PDE1A: variants seen among roughly 807,000 people sequenced by gnomAD.
PDE1A encodes the protein phosphodiesterase 1A, also known as dual specificity calcium/calmodulin-dependent 3',5'-cyclic nucleotide phosphodiesterase 1A.
PDE1A carries 35 observed loss-of-function variants against 61.7 expected under a neutral mutation model. The observed-to-expected ratio is 0.57, with a 90% CI of 0.43 to 0.75. The LOEUF (loss-of-function observed/expected upper bound fraction) is 0.75. PDE1A is among the 30% of genes least tolerant of loss of function. The probability of loss-of-function intolerance (pLI) is 0.00; values close to 1 mark genes in which losing one functional copy is unlikely to be tolerated. For missense variants in PDE1A, 597 were observed against 630.6 expected, an observed-to-expected ratio of 0.95 and a Z score of 0.57; for synonymous variants, 232 against 213.2, an observed-to-expected ratio of 1.09 and a Z score of -0.77.
the PDE1A span, among the ~76,000 whole-genome samples, chr2:182,532,535 G>A: frequency 6.6e-6 from 1 of 152,136 alleles, no homozygotes; most frequent in African/African-American, 2.4e-5. Flanking sequence ...TAGGAAAGGG[G>A]ATTAACTGTA....
chr2:182,235,121 T>TTTTTTG (rs955269006), intron 3 of PDE1A, among the ~76,000 whole-genome samples: 3 of 151,960 alleles, frequency 2.0e-5, no homozygotes, highest in Non-Finnish European at 2.9e-5. Flanking sequence ...ACAAAAGTGG[T>TTTTTTG]TTTTTGTTTT....
At chr2:182,386,817 C>G (rs556229813) in intron 1 of PDE1A, among the ~76,000 whole-genome samples, 2 of 150,706 alleles carry the variant, frequency 1.3e-5, no homozygotes, top group Admixed American at 1.3e-4. Flanking sequence ...CACCTCCACC[C>G]GGCCGCCGCC....
intron 1 of PDE1A, among the ~76,000 whole-genome samples, chr2:182,391,440 C>A (rs141926017): frequency 1.3e-4 from 20 of 152,254 alleles, no homozygotes; most frequent in Non-Finnish European, 2.4e-4. Flanking sequence ...AGAAAGGGAT[C>A]CAAAGGCTTA....
chr2:182,487,039 C>G (rs1688065836), intron 2 of PDE1A, among the ~76,000 whole-genome samples: 1 of 151,966 alleles, frequency 6.6e-6, no homozygotes, highest in Non-Finnish European at 1.5e-5. Flanking sequence ...GCACTTGTGA[C>G]CAGAATTGAT....
At chr2:182,331,157 A>G (rs1697381136) in intron 1 of PDE1A, among the ~76,000 whole-genome samples, 1 of 152,190 alleles carries the variant, frequency 6.6e-6, no homozygotes, top group African/African-American at 2.4e-5. Context: ...CTTAGCTGAG[A>G]TCACACAGTT....
At chr2:182,548,649 T>C in the PDE1A span, among the ~76,000 whole-genome samples, 1 of 152,212 alleles carries the variant, frequency 6.6e-6, no homozygotes, top group Non-Finnish European at 1.5e-5. Flanking sequence ...CTACCATTCT[T>C]TGTGGGTGAA....
chr2:182,551,818 C>A, the PDE1A span, among the ~76,000 whole-genome samples: 5 of 152,058 alleles, frequency 3.3e-5, no homozygotes, highest in African/African-American at 1.2e-4. Context: ...CACTCTTGAC[C>A]CCTGCTAAAA....
chr2:182,232,347 T>C (rs1689651857), intron 4 of PDE1A, among the ~76,000 whole-genome samples: 1 of 152,218 alleles, frequency 6.6e-6, no homozygotes, highest in Admixed American at 6.5e-5. Context: ...AGGTTTAGTA[T>C]TGAACAGTAA....
At chr2:182,202,190 G>A (rs943866269) in intron 8 of PDE1A, among the ~76,000 whole-genome samples, 2 of 152,120 alleles carry the variant, frequency 1.3e-5, no homozygotes, top group Non-Finnish European at 1.5e-5. Flanking sequence ...AAGTAGTCCA[G>A]TGGGGCCTGA....
intron 1 of PDE1A, among the ~76,000 whole-genome samples, chr2:182,394,948 G>A (rs1701619577): frequency 6.6e-6 from 1 of 152,164 alleles, no homozygotes. Flanking sequence ...CGCAGGGGTG[G>A]TGATTTCCAT....
At chr2:182,616,268 T>C in the PDE1A span, among the ~76,000 whole-genome samples, 5 of 152,176 alleles carry the variant, frequency 3.3e-5, no homozygotes, top group African/African-American at 1.2e-4. Flanking sequence ...TTATATAGTC[T>C]TACAACAAGT....
At chr2:182,169,891 G>GAC (rs748862736) in intron 13 of PDE1A, among the ~76,000 whole-genome samples, 2,209 of 140,084 alleles carry the variant, frequency 0.016, 18 homozygotes, top group South Asian at 0.037. Context: ...GTGGACAGGA[G>GAC]ACACACACAC....
downstream of PDE1A, among the ~76,000 whole-genome samples, chr2:182,167,504 G>C (rs1425177383): frequency 6.6e-6 from 1 of 152,080 alleles, no homozygotes; most frequent in Non-Finnish European, 1.5e-5. Context: ...GCATGTGCTT[G>C]ACTCTGCTCA....
chr2:182,564,924 C>G, the PDE1A span, among the ~76,000 whole-genome samples: 1 of 152,276 alleles, frequency 6.6e-6, no homozygotes, highest in South Asian at 2.1e-4. Flanking sequence ...AAGCACTTCT[C>G]TGTATTGGTT....
chr2:182,682,333 A>T, the PDE1A span, among the ~76,000 whole-genome samples: 1 of 152,330 alleles, frequency 6.6e-6, no homozygotes, highest in East Asian at 1.9e-4. Context: ...GGGTTTATAT[A>T]GCAGGGAAGA....
At chr2:182,627,228 T>A in the PDE1A span, among the ~76,000 whole-genome samples, 1 of 63,946 alleles carries the variant, frequency 1.6e-5, no homozygotes, top group Non-Finnish European at 2.7e-5. Flanking sequence ...AAATAATATA[T>A]TATTTATATA....
At chr2:182,163,111 C>T (rs1395866823), downstream of PDE1A, among the ~76,000 whole-genome samples, 4 of 152,156 alleles carry the variant, frequency 2.6e-5, no homozygotes, top group African/African-American at 7.2e-5. Context: ...TTGGCTTGTA[C>T]AGAAGACAGA....
chr2:182,397,756 G>A (rs533814674), intron 1 of PDE1A, among the ~76,000 whole-genome samples: 55 of 152,114 alleles, frequency 3.6e-4, no homozygotes, highest in Admixed American at 7.9e-4. Context: ...TTAAGATCAG[G>A]GATCAGTTTT....
chr2:182,530,092 C>T, the PDE1A span, among the ~76,000 whole-genome samples: 1 of 152,146 alleles, frequency 6.6e-6, no homozygotes. Context: ...AAACACATTG[C>T]AAACTCTTAC....
Sources: gnomAD v4.1 joint callset for allele counts (sites outside exome capture counted in the v4.1 genomes callset) on GRCh38, gnomAD v4.1.1 for gene constraint, MANE v1.5 for transcripts, NCBI Gene and HGNC (gene_info 2026-07-23, HGNC 2026-07-21) for gene names.